The following SBF2 variants were observed in gnomAD, a reference collection of about 807,000 sequenced individuals.
The protein encoded by SBF2 is SET binding factor 2.
Under a neutral mutation model 225.2 loss-of-function variants are expected in SBF2, and 112 were observed. That is an observed-to-expected ratio of 0.50 (90% CI 0.43 to 0.58). The LOEUF is 0.58. Ranked by LOEUF, SBF2 falls within the 20% of genes least tolerant of loss-of-function variation. SBF2 has a pLI of 0.00. For synonymous variants in SBF2, 763 were observed against 773.3 expected (o/e 0.99, Z 0.22); for missense variants, 1,996 against 2,206.2 (o/e 0.90, Z 1.91).
chr11:10,023,549 C>G (rs1306305816), intron 6 of SBF2, among the ~76,000 whole-genome samples: 1 of 152,128 alleles, frequency 6.6e-6, no homozygotes, highest in African/African-American at 2.4e-5. Context: ...TCCCTCGAGC[C>G]CCTTATAATC....
intron 1 of SBF2, among the ~76,000 whole-genome samples, chr11:10,288,901 GCA>G (rs1443407538): frequency 1.8e-4 from 28 of 152,306 alleles, no homozygotes; most frequent in Non-Finnish European, 3.7e-4. Context: ...CATAGGACTG[GCA>G]GCTGGGCCCC....
At chr11:9,867,127 T>C (rs1469594539) in intron 17 of SBF2, among the ~76,000 whole-genome samples, 1 of 152,154 alleles carries the variant, frequency 6.6e-6, no homozygotes, top group Non-Finnish European at 1.5e-5. Context: ...TAAAAGGGTA[T>C]ATAATTGGAT....
At chr11:9,798,394 A>C (rs987839711) in intron 32 of SBF2, among the ~76,000 whole-genome samples, 1 of 152,116 alleles carries the variant, frequency 6.6e-6, no homozygotes, top group Non-Finnish European at 1.5e-5. Flanking sequence ...GGTTACTCAG[A>C]TTGTGGATGC....
At chr11:9,786,152 C>T (rs908396856) in intron 36 of SBF2, among the ~76,000 whole-genome samples, 28 of 152,244 alleles carry the variant, frequency 1.8e-4, no homozygotes, top group South Asian at 1.0e-3. Flanking sequence ...TGAGCCACTG[C>T]GCCTGGCAGA....
intron 17 of SBF2, among the ~76,000 whole-genome samples, chr11:9,879,374 A>G (rs949504851): frequency 1.3e-5 from 2 of 152,184 alleles, no homozygotes; most frequent in African/African-American, 4.8e-5. Flanking sequence ...TATCTTATCA[A>G]AAGTATTCTA....
chr11:10,249,905 A>T (rs977996444), intron 1 of SBF2, among the ~76,000 whole-genome samples: 1 of 151,476 alleles, frequency 6.6e-6, no homozygotes, highest in Non-Finnish European at 1.5e-5. Flanking sequence ...TGCATATGGA[A>T]TCCCTGAAGC....
At chr11:9,964,703 G>C (rs1411209463) in intron 14 of SBF2, among the ~76,000 whole-genome samples, 1 of 151,852 alleles carries the variant, frequency 6.6e-6, no homozygotes, top group Admixed American at 6.6e-5. Context: ...TTTACCATAG[G>C]GTTAGAAAAT....
chr11:10,193,792 C>A, intron 2 of SBF2, 110 bp downstream of exon 2: 1 of 796,224 alleles, frequency 1.3e-6, no homozygotes, highest in South Asian at 1.4e-5. Context: ...TAATATCTTA[C>A]AATTAAATTA....
At chr11:10,092,490 G>C (rs1951823419) in intron 2 of SBF2, among the ~76,000 whole-genome samples, 1 of 152,154 alleles carries the variant, frequency 6.6e-6, no homozygotes, top group African/African-American at 2.4e-5. Context: ...GACAGAATCT[G>C]ATTTTCCCAT....
At chr11:10,110,613 C>G (rs1952792510) in intron 2 of SBF2, among the ~76,000 whole-genome samples, 1 of 152,044 alleles carries the variant, frequency 6.6e-6, no homozygotes, top group African/African-American at 2.4e-5. Flanking sequence ...TTTCAAATTA[C>G]TTTAAAATAC....
In SBF2 at chr11:10,176,717, A is replaced by C. The variant is rs1037938089; in HGVS notation, c.141+17185T>G. On this transcript the variant is annotated intron_variant, in intron 2 of 39. Transcript: ENST00000256190. ...ATAATCAATAGCTTACCAACCAAAAAGAGTCCAGGACCAGATGGATTCACA... is the reference window on the plus strand; with the variant it reads ...ATAATCAATAGCTTACCAACCAAAACGAGTCCAGGACCAGATGGATTCACA... 6.6e-5 allele frequency among the ~76,000 whole-genome samples: 10 copies of C among 152,334 alleles called. No individual in the cohort carries two copies. In the South Asian group the frequency reaches 8.3e-4, roughly 13 times the overall value.
chr11:10,034,742 C>T (rs1949374003), intron 3 of SBF2, among the ~76,000 whole-genome samples: 1 of 152,010 alleles, frequency 6.6e-6, no homozygotes, highest in South Asian at 2.1e-4. Context: ...TAATATATAG[C>T]AAGTATACCA....
intron 16 of SBF2, among the ~76,000 whole-genome samples, chr11:9,923,309 AAACAAC>A (rs112653428): frequency 3.3e-5 from 5 of 151,358 alleles, no homozygotes; most frequent in African/African-American, 4.9e-5. Context: ...CCCTAGTTAA[AAACAAC>A]AACAACAACA....
chr11:10,233,821 G>A (rs778586119), intron 1 of SBF2, among the ~76,000 whole-genome samples: 2 of 152,092 alleles, frequency 1.3e-5, no homozygotes, highest in Non-Finnish European at 2.9e-5. Context: ...ACTAAGGCCT[G>A]GTCATTTCTG....
chr11:10,179,888 A>G (rs114682377), intron 2 of SBF2, among the ~76,000 whole-genome samples: 3,157 of 152,020 alleles, frequency 0.021, 86 homozygotes, highest in African/African-American at 0.063. Context: ...ATGTTTTTCA[A>G]TTCAAGGTTA....
chr11:9,814,248 ACTTT>A (rs1854342771), intron 29 of SBF2, among the ~76,000 whole-genome samples: 1 of 152,198 alleles, frequency 6.6e-6, no homozygotes, highest in Non-Finnish European at 1.5e-5. Flanking sequence ...AAATGTTTCC[ACTTT>A]CTTTTCATTG....
Position 9,816,909 on chromosome 11 carries a change from G to T in SBF2, c.3909C>A (p.Ser1303Arg). 2 of 1,614,184 alleles carry T rather than the reference G, an allele frequency of 1.2e-6. No individual in the cohort carries two copies. Among genetic ancestry groups the T allele is most frequent in the East Asian group, 4.5e-5 (2 of 44,882 alleles). Reference sequence around the variant, plus strand: ...GTTTCAAGAGCTGGTTTTGTAGGTAGCTGCTGTTACTGAAGGAGGCCGAGT... The same window carrying T: ...GTTTCAAGAGCTGGTTTTGTAGGTATCTGCTGTTACTGAAGGAGGCCGAGT... ...KDHSASFSNS[S>R]YLQNQLLKRQ... Residue 1303 changes from serine (S) to arginine (R), a missense_variant, in exon 29 of 40, where the codon AGC becomes AGA. Transcript: ENST00000256190.
In SBF2 at chr11:10,303,961, G is replaced by A. The variant is rs879914086; in HGVS notation, n.386+531C>T. The stretch of plus-strand genomic sequence containing the variant: ...AGGACTCTCCTTTGCCCCTTGAGAA[G>A]TTGGTGACCCCAGCCTAGAGGAATC... On this transcript the variant is annotated intron_variant and non_coding_transcript_variant, in intron 1 of 5. Coordinates refer to the SBF2 transcript ENST00000685217. The surrounding 1 kb of genome is among the most constrained non-coding windows in gnomAD (Gnocchi z 5.2). Among the ~76,000 whole-genome samples the A allele has an allele frequency of 2.6e-5, 4 of 152,208 alleles. No homozygotes were observed. Among genetic ancestry groups the A allele is most frequent in the Non-Finnish European group, 4.4e-5 (3 of 68,042 alleles).
Position 10,166,990 on chromosome 11 carries a change from A to ACACACACACACACAC in SBF2, c.141+26911_141+26912insGTGTGTGTGTGTGTG, listed in dbSNP as rs1282714502. Among the ~76,000 whole-genome samples, 761 of 146,060 alleles carry ACACACACACACACAC rather than the reference A, an allele frequency of 5.2e-3. 4 individuals are homozygous for ACACACACACACACAC. The highest frequency in any genetic ancestry group is 0.032 in the East Asian group (159 of 4,998). On this transcript the variant is annotated intron_variant, in intron 2 of 39. Coordinates refer to ENST00000256190, the MANE Select transcript of SBF2 (RefSeq NM_030962.4). ...ACACACACACACACACACACACACAAAAAGGCTACTAATTGAAAAGTTCAG... is the reference window on the plus strand; with the variant it reads ...ACACACACACACACACACACACACAACACACACACACACACAAAGGCTACTAATTGAAAAGTTCAG...
Sources: allele counts gnomAD v4.1 joint callset (sites outside exome capture counted in the v4.1 genomes callset), GRCh38; gene constraint gnomAD v4.1.1; non-coding constraint Gnocchi (gnomAD v3.1); transcripts MANE v1.5; gene names NCBI Gene and HGNC (gene_info 2026-07-23, HGNC 2026-07-21).